Variants in ACOX1 observed in about 807,000 individuals in gnomAD.
ACOX1 encodes the protein acyl-CoA oxidase 1.
Under a neutral mutation model 75.5 loss-of-function variants are expected in ACOX1, and 41 were observed. The observed-to-expected ratio is 0.54, with a 90% CI of 0.42 to 0.70. The LOEUF (loss-of-function observed/expected upper bound fraction) is 0.70, where lower values mean the gene tolerates loss of function less well. Among genes scored for constraint, ACOX1 ranks in the 30% least tolerant of loss-of-function variants. The pLI is 0.00. For synonymous variants in ACOX1, 303 were observed against 298.8 expected (o/e 1.01, Z -0.15); for missense variants, 630 against 837.5 (o/e 0.75, Z 3.06).
intron 12 of ACOX1, 81 bp from the exon 13 acceptor site, chr17:75,948,538 C>A: frequency 1.7e-6 from 2 of 1,196,002 alleles, no homozygotes; most frequent in South Asian, 1.4e-5. Flanking sequence ...AGCTATAAAG[C>A]GGATGACAAT....
intron 11 of ACOX1, 38 bp from the exon 12 acceptor site, chr17:75,949,398 T>C: frequency 6.2e-7 from 1 of 1,613,836 alleles, no homozygotes; most frequent in Non-Finnish European, 8.5e-7. Flanking sequence ...TTGAGAACCT[T>C]GGAAAAAGAT....
chr17:75,974,312 T>C (rs569063085), intron 2 of ACOX1, among the ~76,000 whole-genome samples: 88 of 152,340 alleles, frequency 5.8e-4, no homozygotes, highest in African/African-American at 2.0e-3. Flanking sequence ...AGTAAATACA[T>C]ATTCCAGGGC....
At chr17:75,957,657 A>C in intron 3 of ACOX1, 91 bp from the exon 4 acceptor site, 4 of 955,424 alleles carry the variant, frequency 4.2e-6, no homozygotes, top group Non-Finnish European at 6.6e-6. Flanking sequence ...TTAAACTCTC[A>C]TATCTCAGAG....
intron 3 of ACOX1, among the ~76,000 whole-genome samples, chr17:75,959,206 A>G (rs2065866922): frequency 6.6e-6 from 1 of 152,228 alleles, no homozygotes; most frequent in Non-Finnish European, 1.5e-5. Context: ...CAAGTTGAAT[A>G]ACCAACTTAT....
At chr17:75,965,769 G>A (rs1316403064) in intron 2 of ACOX1, among the ~76,000 whole-genome samples, 1 of 151,858 alleles carries the variant, frequency 6.6e-6, no homozygotes, top group East Asian at 1.9e-4. Context: ...GGAGATCAAG[G>A]CTGCAGTGAG....
At position 75,942,090 on chromosome 17, in the gene ACOX1, T is replaced by C. The variant is rs1465841010; in HGVS notation, c.*4658A>G. 1 of 152,166 alleles carries C rather than the reference T, an allele frequency of 6.6e-6. No homozygotes were observed. 9.4% of individuals were successfully genotyped at this position (152,166 alleles called of 1,614,324 possible). On this transcript the variant is annotated 3_prime_UTR_variant, in exon 14 of 14. Transcript: ENST00000293217. The stretch of plus-strand genomic sequence containing the variant: ...TCCTTATATGTTTCTGTGTTTACTA[T>C]CATGAACCATAGGAAGAAGTACTGG...
In ACOX1 at chr17:75,978,856, C is replaced by T. The variant is rs1157424541; in HGVS notation, c.109+109G>A. ...TTCCTCGAAGTGGGGGTCCCGGCTCCCCTAACGCTGGGCCAGAGGGCCTAG... is the reference window on the plus strand; with the variant it reads ...TTCCTCGAAGTGGGGGTCCCGGCTCTCCTAACGCTGGGCCAGAGGGCCTAG... On this transcript the variant is annotated intron_variant, in intron 1 of 13. Transcript: ENST00000293217. The surrounding 1 kb of genome is among the most constrained non-coding windows in gnomAD (Gnocchi z 4.2). 1 of 1,597,978 alleles carries T rather than the reference C, an allele frequency of 6.3e-7. No individual in the cohort carries two copies. The highest frequency in any genetic ancestry group is 8.5e-7 in the Non-Finnish European group (1 of 1,176,454).
chr17:75,951,280 C>A, intron 8 of ACOX1, 135 bp downstream of exon 8: 1 of 1,116,906 alleles, frequency 9.0e-7, no homozygotes, highest in Non-Finnish European at 1.3e-6. Flanking sequence ...ATCTGATCTA[C>A]TTTCAACCAG....
chr17:75,977,024 G>A (rs2066057335), intron 2 of ACOX1, among the ~76,000 whole-genome samples: 1 of 118,042 alleles, frequency 8.5e-6, no homozygotes, highest in African/African-American at 3.4e-5. Context: ...TTGAGACAGA[G>A]TCTCTCTTTG....
At position 75,960,513 on chromosome 17, in the gene ACOX1, G is replaced by A; in HGVS notation, c.270-138C>T. 1.2e-6 allele frequency: 1 copy of A among 848,464 alleles called. No homozygotes were observed. The highest frequency in any genetic ancestry group is 1.9e-6 in the Non-Finnish European group (1 of 520,030). 52.6% of individuals were successfully genotyped at this position (848,464 alleles called of 1,614,324 possible). ...GTTGCGTGCACTTAATCATAGATGG[G>A]AGCACTGTCCCTTTCTGTATTACTT... On this transcript the variant is annotated intron_variant, in intron 2 of 13. Coordinates refer to ENST00000293217, the MANE Select transcript of ACOX1 (RefSeq NM_004035.7). This position sits in a 1 kb window ranked among gnomAD's most constrained non-coding sequence, Gnocchi z 4.4.
At position 75,949,540 on chromosome 17, in the gene ACOX1, C is replaced by T; in HGVS notation, c.1539G>A (p.Glu513=). The T allele has an allele frequency of 6.2e-7, 1 of 1,614,208 alleles. No homozygotes were observed. Among genetic ancestry groups the T allele is most frequent in the Non-Finnish European group, 8.5e-7 (1 of 1,180,032 alleles). ...QKEVIHRKSK[E]VAWNLTSVDL... ...CAACAGAAGTTAGGTTCCAAGCTAC[C>T]TCCTTGCTTTTTCTGTGAATCACTT... Residue 513 remains glutamate (E), a synonymous_variant, in exon 11 of 14, where the codon GAG becomes GAA. Coordinates refer to ENST00000293217, the MANE Select transcript of ACOX1 (RefSeq NM_004035.7).
rs2065874920 is a variant in ACOX1, at chr17:75,960,243, G to T, written c.402C>A (p.Gly134=). 1.9e-6 allele frequency: 3 copies of T among 1,614,142 alleles called. No homozygotes were observed. Among genetic ancestry groups the T allele is most frequent in the Non-Finnish European group, 2.5e-6 (3 of 1,180,016 alleles). ...FMPAWNLEII[G]TYAQTEMGHG... ...GACCCATCTCTGTCTGGGCATAAGT[G>T]CCAATGATCTCCAAGTTCCAGGCGG... Residue 134 remains glycine (G), a synonymous_variant, in exon 3 of 14, where the codon GGC becomes GGA. Coordinates refer to ENST00000293217, the MANE Select transcript of ACOX1 (RefSeq NM_004035.7). This position sits in a 1 kb window ranked among gnomAD's most constrained non-coding sequence, Gnocchi z 4.4.
rs2065772561 is a variant in ACOX1, at chr17:75,951,409, T to G, written c.1107+6A>C. 11 of 1,614,024 alleles carry G rather than the reference T, an allele frequency of 6.8e-6. No individual in the cohort carries two copies. The highest frequency in any genetic ancestry group is 9.3e-6 in the Non-Finnish European group (11 of 1,180,000). On this transcript the variant is annotated splice_donor_region_variant and intron_variant, in intron 8 of 13. Transcript: ENST00000293217. ...TGCCCATGAGTGAATGAGACCAAAC[T>G]CATACCTCAGGCAGTTCACTCAGGT...
chr17:75,949,699 C>T lies in ACOX1; in HGVS notation c.1478+19G>A, dbSNP rs1326978512. 6.2e-7 allele frequency: 1 copy of T among 1,614,164 alleles called. No individual in the cohort carries two copies. On this transcript the variant is annotated intron_variant, in intron 10 of 13. Transcript: ENST00000293217. The stretch of plus-strand genomic sequence containing the variant: ...CCAGCCCCACTGCTGCGTATTCTAG[C>T]TCTTGAGGGAGAGCTCACCTGGCTG...
chr17:75,953,452 C>A lies in ACOX1; in HGVS notation c.943G>T (p.Gly315Cys). The A allele has an allele frequency of 6.2e-7, 1 of 1,613,710 alleles. No individual in the cohort carries two copies. Among genetic ancestry groups the A allele is most frequent in the South Asian group, 1.1e-5 (1 of 91,014 alleles). The part of the protein sequence containing the change: ...AVRHQSEIKP[G>C]EPEPQILDFQ... ...GCCCATCTAGGACCCTATCCTTACC[C>A]TGGCTTGATTTCAGACTGGTGCCTC... The change falls in exon 7 of 14, where the codon GGT becomes TGT. Residue 315 changes from glycine to cysteine, a missense_variant and splice_region_variant. By Grantham distance (159) the Gly-to-Cys change is radical (BLOSUM62 -3). Coordinates refer to ENST00000293217, the MANE Select transcript of ACOX1 (RefSeq NM_004035.7).
intron 2 of ACOX1, among the ~76,000 whole-genome samples, chr17:75,975,094 A>G (rs1226335743): frequency 6.6e-6 from 1 of 150,770 alleles, no homozygotes; most frequent in South Asian, 2.1e-4. Flanking sequence ...AAGAAATAAT[A>G]GTAAACACAA....
At chr17:75,971,029 C>T (rs1325432015) in intron 2 of ACOX1, among the ~76,000 whole-genome samples, 2 of 152,234 alleles carry the variant, frequency 1.3e-5, no homozygotes, top group East Asian at 1.9e-4. Flanking sequence ...TGATGGCTCA[C>T]GCCTATAATC....
intron 3 of ACOX1, among the ~76,000 whole-genome samples, chr17:75,959,305 A>G (rs1211989334): frequency 2.0e-5 from 3 of 152,240 alleles, no homozygotes; most frequent in Non-Finnish European, 4.4e-5. Flanking sequence ...AAAAGCAGAT[A>G]ACATTAAACA....
At position 75,945,652 on chromosome 17, in the gene ACOX1, G is replaced by C. The variant is rs371154191; in HGVS notation, c.*1096C>G. The C allele has an allele frequency of 1.1e-4, 17 of 153,782 alleles. No individual in the cohort carries two copies. In the South Asian group the frequency reaches 3.3e-3, roughly 30 times the overall value. 9.5% of individuals were successfully genotyped at this position (153,782 alleles called of 1,614,324 possible). On this transcript the variant is annotated 3_prime_UTR_variant, in exon 14 of 14. Transcript: ENST00000293217. The stretch of plus-strand genomic sequence containing the variant: ...TGATTGTATAAATTAGATTTCAACT[G>C]AAAGGACAATTAGCGATTCAGAGAA...
Sources: allele counts gnomAD v4.1 joint callset (sites outside exome capture counted in the v4.1 genomes callset), GRCh38; gene constraint gnomAD v4.1.1; non-coding constraint Gnocchi (gnomAD v3.1); transcripts MANE v1.5; gene names NCBI Gene and HGNC (gene_info 2026-07-23, HGNC 2026-07-21).